Variants in FAM168A observed in about 807,000 individuals in gnomAD.
FAM168A encodes family with sequence similarity 168 member A, also known as protein FAM168A.
FAM168A carries 3 observed loss-of-function variants against 28.5 expected under a neutral mutation model. The ratio of observed to expected loss-of-function variants is 0.11; its 90% CI spans 0.05 to 0.27. FAM168A has a LOEUF of 0.27. Among genes scored for constraint, FAM168A ranks in the 10% least tolerant of loss-of-function variants. The probability of loss-of-function intolerance (pLI) is 1.00; values close to 1 mark genes in which losing one functional copy is unlikely to be tolerated. For synonymous variants in FAM168A, 122 were observed against 124.2 expected (o/e 0.98, Z 0.12); for missense variants, 222 against 311.5 (o/e 0.71, Z 2.16).
At chr11:73,566,091 T>C (rs1440734674) in intron 1 of FAM168A, among the ~76,000 whole-genome samples, 1 of 152,240 alleles carries the variant, frequency 6.6e-6, no homozygotes, top group East Asian at 1.9e-4. Context: ...CATGTTAACA[T>C]CTACCAATTG....
At chr11:73,430,859 G>T in intron 2 of FAM168A, 89 bp from the exon 3 acceptor site, 1 of 1,076,354 alleles carries the variant, frequency 9.3e-7, no homozygotes, top group Non-Finnish European at 1.3e-6. Flanking sequence ...GATTTTTGAG[G>T]AAATAGAATC....
In FAM168A at chr11:73,457,559, G is replaced by A. The variant is rs536582330; in HGVS notation, c.70+10846C>T. ...AAACAACATTGTGAATGTACCTAATGCCACTCAATTATACACTTAAAAATG... is the reference window on the plus strand; with the variant it reads ...AAACAACATTGTGAATGTACCTAATACCACTCAATTATACACTTAAAAATG... On this transcript the variant is annotated intron_variant, in intron 2 of 7. Coordinates refer to ENST00000356467, the MANE Select transcript of FAM168A (RefSeq NM_015159.3). Among the ~76,000 whole-genome samples, 17 of 151,242 alleles carry A rather than the reference G, an allele frequency of 1.1e-4. 1 individual carries two copies. The South Asian group carries it at 3.5e-3, about 32-fold the overall frequency.
At chr11:73,523,046 C>T (rs545632539) in intron 1 of FAM168A, among the ~76,000 whole-genome samples, 17 of 152,068 alleles carry the variant, frequency 1.1e-4, no homozygotes, top group African/African-American at 3.9e-4. Context: ...AACACACACA[C>T]ACACAATGAG....
At chr11:73,525,416 TAA>T (rs1943436282) in intron 1 of FAM168A, among the ~76,000 whole-genome samples, 1 of 152,170 alleles carries the variant, frequency 6.6e-6, no homozygotes, top group South Asian at 2.1e-4. Flanking sequence ...ATCTGGGAAC[TAA>T]GAACTGAATG....
intron 2 of FAM168A, among the ~76,000 whole-genome samples, chr11:73,463,735 T>C (rs1403630254): frequency 1.3e-5 from 2 of 152,030 alleles, no homozygotes; most frequent in African/African-American, 4.8e-5. Context: ...TAAACAATTA[T>C]GGTCAATGAA....
At chr11:73,408,206 C>T (rs1431313764) in intron 6 of FAM168A, among the ~76,000 whole-genome samples, 1 of 152,196 alleles carries the variant, frequency 6.6e-6, no homozygotes, top group Non-Finnish European at 1.5e-5. Flanking sequence ...TCTCTTATTG[C>T]ACAATCATAC....
At chr11:73,443,996 T>G (rs1291978275) in intron 2 of FAM168A, among the ~76,000 whole-genome samples, 1 of 152,148 alleles carries the variant, frequency 6.6e-6, no homozygotes, top group Non-Finnish European at 1.5e-5. Context: ...AGAAGATATT[T>G]CCTCCTCTGG....
At chr11:73,595,148 A>C (rs566225918) in intron 1 of FAM168A, among the ~76,000 whole-genome samples, 18 of 152,224 alleles carry the variant, frequency 1.2e-4, no homozygotes, top group Non-Finnish European at 2.2e-4. Context: ...CCTCTAGACC[A>C]AGCCTGCAGA....
intron 2 of FAM168A, 138 bp downstream of exon 2, chr11:73,468,267 G>A (rs1867765849): frequency 6.2e-6 from 4 of 640,520 alleles, no homozygotes; most frequent in Non-Finnish European, 1.0e-5. Context: ...TCTTTCCGCT[G>A]GACCTCAGAC....
intron 2 of FAM168A, among the ~76,000 whole-genome samples, chr11:73,440,200 A>G (rs1324762635): frequency 1.3e-5 from 2 of 151,964 alleles, no homozygotes; most frequent in African/African-American, 4.8e-5. Flanking sequence ...CTTTTATTCT[A>G]CTGTTCCATT....
intron 3 of FAM168A, among the ~76,000 whole-genome samples, chr11:73,427,227 G>T (rs1306749088): frequency 6.6e-6 from 1 of 151,830 alleles, no homozygotes; most frequent in African/African-American, 2.4e-5. Context: ...TCCTGACCTC[G>T]TGATCCACCC....
intron 2 of FAM168A, among the ~76,000 whole-genome samples, chr11:73,456,523 T>C (rs1867535110): frequency 6.6e-6 from 1 of 152,170 alleles, no homozygotes; most frequent in South Asian, 2.1e-4. Context: ...AATACTGTGA[T>C]ATAGCAAGAC....
chr11:73,571,298 C>T (rs1450501768), intron 1 of FAM168A, among the ~76,000 whole-genome samples: 1 of 147,500 alleles, frequency 6.8e-6, no homozygotes, highest in Non-Finnish European at 1.5e-5. Flanking sequence ...GATGCCGAGC[C>T]GAAGCTGGAC....
intron 1 of FAM168A, among the ~76,000 whole-genome samples, chr11:73,580,942 C>A (rs191241041): frequency 2.0e-5 from 3 of 152,332 alleles, no homozygotes; most frequent in African/African-American, 4.8e-5. Context: ...TCATTGGTTA[C>A]CAGTGTGTCA....
intron 2 of FAM168A, among the ~76,000 whole-genome samples, chr11:73,459,621 A>G (rs113627341): frequency 0.018 from 2,726 of 152,314 alleles, 82 homozygotes; most frequent in African/African-American, 0.061. Context: ...AGCTAGCCTA[A>G]GGCTGACTAC....
chr11:73,423,873 A>G (rs1866839793), intron 3 of FAM168A, among the ~76,000 whole-genome samples: 1 of 152,208 alleles, frequency 6.6e-6, no homozygotes, highest in Non-Finnish European at 1.5e-5. Context: ...GAATTTTATA[A>G]AGTGAAGAAC....
chr11:73,536,151 T>C (rs559801704), intron 1 of FAM168A, among the ~76,000 whole-genome samples: 27 of 152,182 alleles, frequency 1.8e-4, no homozygotes, highest in Non-Finnish European at 3.5e-4. Context: ...CGGCCAGCAT[T>C]TAAAACTTCT....
At chr11:73,565,555 A>G (rs1214213519) in intron 1 of FAM168A, among the ~76,000 whole-genome samples, 1 of 152,132 alleles carries the variant, frequency 6.6e-6, no homozygotes, top group African/African-American at 2.4e-5. Flanking sequence ...AAACATTATA[A>G]TACCTTTCTT....
Position 73,596,517 on chromosome 11 carries a change from AAAAC to A in FAM168A, c.-19+1402_-19+1405del, listed in dbSNP as rs570107330. On this transcript the variant is annotated intron_variant, in intron 1 of 7. Transcript: ENST00000356467. ...ACTTCCAAATTTTACTAATATAAAT[AAAAC>A]AAACAAAAACATCACCCGAACAGAT... Among the ~76,000 whole-genome samples the A allele has an allele frequency of 3.3e-5, 5 of 152,258 alleles. No homozygotes were observed. In the South Asian group the frequency reaches 1.0e-3, roughly 32 times the overall value.
Sources: allele counts gnomAD v4.1 joint callset (sites outside exome capture counted in the v4.1 genomes callset), GRCh38; gene constraint gnomAD v4.1.1; transcripts MANE v1.5; gene names NCBI Gene and HGNC (gene_info 2026-07-23, HGNC 2026-07-21).